The following DGKB variants were observed in gnomAD, a reference collection of about 807,000 sequenced individuals.
The protein encoded by DGKB is 90 kDa diacylglycerol kinase.
Under a neutral mutation model 114.3 loss-of-function variants are expected in DGKB, and 67 were observed. The ratio of observed to expected loss-of-function variants is 0.59; its 90% confidence interval spans 0.48 to 0.72. The LOEUF is 0.72. Ranked by LOEUF, DGKB falls within the 30% of genes least tolerant of loss-of-function variation. The pLI, the probability that DGKB is intolerant of heterozygous loss-of-function variation, is 0.00. For synonymous variants in DGKB, 398 were observed against 323.1 expected, an observed-to-expected ratio of 1.23 and a Z score of -2.49; for missense variants, 907 against 975.2, an observed-to-expected ratio of 0.93 and a Z score of 0.93.
At chr7:14,486,084 C>T (rs1240208525) in intron 20 of DGKB, among the ~76,000 whole-genome samples, 1 of 151,798 alleles carries the variant, frequency 6.6e-6, no homozygotes, top group African/African-American at 2.4e-5. Context: ...ATAATTATTC[C>T]ATAAAGTTGG....
chr7:14,588,040 T>A (rs1801070106), intron 17 of DGKB, among the ~76,000 whole-genome samples: 1 of 152,122 alleles, frequency 6.6e-6, no homozygotes, highest in South Asian at 2.1e-4. Flanking sequence ...CATATTAATA[T>A]GCAACTTTAC....
At chr7:14,650,103 C>A (rs1423763970) in intron 13 of DGKB, among the ~76,000 whole-genome samples, 1 of 150,682 alleles carries the variant, frequency 6.6e-6, no homozygotes, top group Admixed American at 6.6e-5. Flanking sequence ...AGAAAGTCAA[C>A]AAGGATACCC....
intron 1 of DGKB, among the ~76,000 whole-genome samples, chr7:14,955,671 A>G (rs1786461514): frequency 1.3e-5 from 2 of 152,074 alleles, no homozygotes; most frequent in South Asian, 4.1e-4. Context: ...GAAATGCTTG[A>G]AAACTTGAAC....
At chr7:14,954,961 G>T (rs557493068) in intron 1 of DGKB, among the ~76,000 whole-genome samples, 1 of 151,960 alleles carries the variant, frequency 6.6e-6, no homozygotes. Context: ...ATCTACAACT[G>T]AGCCTGAACA....
intron 1 of DGKB, among the ~76,000 whole-genome samples, chr7:14,924,263 T>C (rs1587391052): frequency 1.3e-5 from 2 of 152,310 alleles, no homozygotes; most frequent in East Asian, 1.9e-4. Context: ...TATTCCACTG[T>C]CCTACGCGTT....
intron 23 of DGKB, among the ~76,000 whole-genome samples, chr7:14,182,610 T>C (rs1163512119): frequency 4.6e-5 from 7 of 152,168 alleles, no homozygotes; most frequent in African/African-American, 7.2e-5. Flanking sequence ...ATAAACTTTA[T>C]AAATCTGTGA....
intron 8 of DGKB, among the ~76,000 whole-genome samples, chr7:14,695,393 T>A (rs910877541): frequency 6.6e-6 from 1 of 151,620 alleles, no homozygotes; most frequent in Middle Eastern, 3.2e-3. Context: ...TTGAACTGAG[T>A]GTAGAGCCTG....
chr7:14,826,022 C>G (rs1341324159), intron 2 of DGKB, among the ~76,000 whole-genome samples: 1 of 152,122 alleles, frequency 6.6e-6, no homozygotes, highest in East Asian at 1.9e-4. Context: ...CAGCATTTCT[C>G]CTTACTGCTG....
chr7:14,376,783 A>G (rs1818549338), intron 21 of DGKB, among the ~76,000 whole-genome samples: 2 of 152,210 alleles, frequency 1.3e-5, no homozygotes, highest in Admixed American at 1.3e-4. Context: ...TCTAGGATGA[A>G]TAAGGGTGCC....
intron 15 of DGKB, among the ~76,000 whole-genome samples, chr7:14,616,844 G>A (rs1292358423): frequency 1.3e-5 from 2 of 151,760 alleles, no homozygotes; most frequent in African/African-American, 2.4e-5. Flanking sequence ...AAATACTGAT[G>A]AAGAGAGAAA....
chr7:14,534,196 T>A (rs980921539), intron 20 of DGKB, among the ~76,000 whole-genome samples: 10 of 152,032 alleles, frequency 6.6e-5, no homozygotes, highest in African/African-American at 2.4e-4. Flanking sequence ...TATAGAGGGC[T>A]CATATACAGT....
At chr7:14,839,412 T>C (rs1480744759) in intron 2 of DGKB, among the ~76,000 whole-genome samples, 2 of 149,510 alleles carry the variant, frequency 1.3e-5, no homozygotes, top group Non-Finnish European at 3.0e-5. Context: ...TTCTTCTTTT[T>C]TTTTTTTTTT....
At position 14,291,010 on chromosome 7, in the gene DGKB, C is replaced by T. The variant is rs148271751; in HGVS notation, c.2122+47505G>A. Among the ~76,000 whole-genome samples the T allele has an allele frequency of 1.9e-3, 284 of 151,960 alleles. 1 individual carries two copies. The highest frequency in any genetic ancestry group is 6.2e-3 in the African/African-American group (255 of 41,442). ...TACAAAAATTAGCCAGGTGTGGTGG[C>T]ACACGCCTGTAATCCCAGCTACTTG... On this transcript the variant is annotated intron_variant, in intron 23 of 25. Transcript: ENST00000402815.
chr7:14,345,848 A>G (rs1812389440), intron 21 of DGKB, among the ~76,000 whole-genome samples: 1 of 151,776 alleles, frequency 6.6e-6, no homozygotes, highest in South Asian at 2.1e-4. Flanking sequence ...AATTAAAATA[A>G]TTTCAGTATT....
At chr7:14,967,990 T>C (rs1787261460) in intron 1 of DGKB, among the ~76,000 whole-genome samples, 2 of 152,136 alleles carry the variant, frequency 1.3e-5, no homozygotes, top group African/African-American at 4.8e-5. Context: ...AAACATATAG[T>C]GAGGTAAAAA....
chr7:14,458,690 G>A (rs1206955371), intron 21 of DGKB, among the ~76,000 whole-genome samples: 1 of 152,186 alleles, frequency 6.6e-6, no homozygotes, highest in Non-Finnish European at 1.5e-5. Context: ...TTTTCCCACA[G>A]TCTTTGCAAC....
intron 2 of DGKB, among the ~76,000 whole-genome samples, chr7:14,782,473 G>C (rs1839266476): frequency 6.6e-6 from 1 of 152,006 alleles, no homozygotes; most frequent in Non-Finnish European, 1.5e-5. Context: ...TTTTTTTCAA[G>C]AATATTTATT....
At chr7:14,356,592 C>A (rs932861042) in intron 21 of DGKB, among the ~76,000 whole-genome samples, 1 of 151,868 alleles carries the variant, frequency 6.6e-6, no homozygotes, top group Non-Finnish European at 1.5e-5. Context: ...AATCTCCTGA[C>A]CTCGTGATCA....
chr7:14,508,800 C>A (rs1040388982), intron 20 of DGKB, among the ~76,000 whole-genome samples: 2 of 152,034 alleles, frequency 1.3e-5, no homozygotes, highest in African/African-American at 4.8e-5. Context: ...TTAGTCATGT[C>A]TCTTGACCCC....
Sources: allele counts gnomAD v4.1 joint callset (sites outside exome capture counted in the v4.1 genomes callset), GRCh38; gene constraint gnomAD v4.1.1; transcripts MANE v1.5; gene names NCBI Gene and HGNC (gene_info 2026-07-23, HGNC 2026-07-21).